Variants in RGS7 observed in about 807,000 individuals in gnomAD.
RGS7 encodes regulator of G-protein signaling 7.
Under a neutral mutation model 81.1 loss-of-function variants are expected in RGS7, and 27 were observed. The ratio of observed to expected loss-of-function variants is 0.33; its 90% CI spans 0.25 to 0.46. The LOEUF (loss-of-function observed/expected upper bound fraction) is 0.46. Among genes scored for constraint, RGS7 ranks in the 20% least tolerant of loss-of-function variants. RGS7 has a pLI of 1.00. For synonymous variants in RGS7, 208 were observed against 207.7 expected (o/e 1.00, Z -0.01); for missense variants, 396 against 607.4 (o/e 0.65, Z 3.66).
At chr1:240,917,920 T>C (rs1042514543) in intron 6 of RGS7, among the ~76,000 whole-genome samples, 3 of 152,170 alleles carry the variant, frequency 2.0e-5, no homozygotes, top group Non-Finnish European at 4.4e-5. Flanking sequence ...AGGAAAGATA[T>C]GCCATGCTAA....
At chr1:241,066,714 T>C (rs2062083490) in intron 3 of RGS7, among the ~76,000 whole-genome samples, 1 of 152,196 alleles carries the variant, frequency 6.6e-6, no homozygotes, top group South Asian at 2.1e-4. Flanking sequence ...CTGAAGCTTT[T>C]AAATTAAGGT....
chr1:241,008,138 A>G (rs947740711), intron 3 of RGS7, among the ~76,000 whole-genome samples: 1 of 150,296 alleles, frequency 6.7e-6, no homozygotes, highest in East Asian at 1.9e-4. Flanking sequence ...ACAAACAAAC[A>G]AAACAAACAA....
chr1:240,921,178 A>G (rs1412939175), intron 6 of RGS7, among the ~76,000 whole-genome samples: 3 of 152,174 alleles, frequency 2.0e-5, no homozygotes, highest in Non-Finnish European at 4.4e-5. Flanking sequence ...GCCAAGCAAA[A>G]TCATAAAATT....
At chr1:240,784,543 G>C (rs535909551) in intron 18 of RGS7, among the ~76,000 whole-genome samples, 95 of 151,818 alleles carry the variant, frequency 6.3e-4, no homozygotes, top group Admixed American at 1.7e-3. Flanking sequence ...CTACTCAGGA[G>C]GCTGAGGCAG....
intron 2 of RGS7, among the ~76,000 whole-genome samples, chr1:241,300,133 T>G (rs2079658299): frequency 6.6e-6 from 1 of 151,760 alleles, no homozygotes; most frequent in Non-Finnish European, 1.5e-5. Flanking sequence ...AAAGACAATT[T>G]TTTGGGCAGT....
At chr1:241,026,033 C>T (rs371643198) in intron 3 of RGS7, among the ~76,000 whole-genome samples, 2 of 152,294 alleles carry the variant, frequency 1.3e-5, no homozygotes, top group South Asian at 2.1e-4. Context: ...GGCAAATTGT[C>T]TCTTTAATAT....
At chr1:241,290,864 C>T (rs1453251917) in intron 2 of RGS7, among the ~76,000 whole-genome samples, 1 of 152,124 alleles carries the variant, frequency 6.6e-6, no homozygotes, top group African/African-American at 2.4e-5. Flanking sequence ...CCTGTAAATA[C>T]GAACTCTACT....
intron 9 of RGS7, among the ~76,000 whole-genome samples, chr1:240,863,145 CT>C (rs1340810965): frequency 6.6e-6 from 1 of 152,098 alleles, no homozygotes; most frequent in Non-Finnish European, 1.5e-5. Context: ...TGGAATCTCA[CT>C]ATGTCGCCCA....
chr1:241,349,064 G>A (rs567692120), intron 2 of RGS7, among the ~76,000 whole-genome samples: 38 of 152,166 alleles, frequency 2.5e-4, no homozygotes, highest in South Asian at 1.9e-3. Flanking sequence ...ATATATACTA[G>A]GTTCTATGCA....
chr1:240,931,600 A>T (rs1479650799), intron 5 of RGS7, among the ~76,000 whole-genome samples: 4 of 152,130 alleles, frequency 2.6e-5, no homozygotes, highest in Non-Finnish European at 2.9e-5. Context: ...AATTTAAATT[A>T]AAAAAACCTA....
chr1:240,806,357 C>G (rs547813846), intron 14 of RGS7, 31 bp from the exon 15 acceptor site: 3 of 1,603,540 alleles, frequency 1.9e-6, no homozygotes, highest in African/African-American at 2.7e-5. Context: ...GGTGTTTACT[C>G]TGATGGCCCA....
chr1:240,967,572 G>A (rs566443350), intron 4 of RGS7, among the ~76,000 whole-genome samples: 4 of 131,162 alleles, frequency 3.0e-5, no homozygotes, highest in South Asian at 5.3e-4. Context: ...AAGAAGTGGG[G>A]GGGGGGGGGA....
intron 6 of RGS7, among the ~76,000 whole-genome samples, chr1:240,904,983 CAGGGTACAAAAAAAATA>C (rs1232546742): frequency 6.6e-6 from 1 of 152,010 alleles, no homozygotes; most frequent in Non-Finnish European, 1.5e-5. Context: ...TTTGCCAGTT[CAGGGTACAAAAAAAATA>C]AAGACCAGGA....
At chr1:241,122,846 T>C (rs1194859400) in intron 2 of RGS7, among the ~76,000 whole-genome samples, 1 of 152,108 alleles carries the variant, frequency 6.6e-6, no homozygotes, top group Non-Finnish European at 1.5e-5. Flanking sequence ...ATGCTGAAAG[T>C]GAAAAACACA....
chr1:241,298,729 T>C (rs1354583743), intron 2 of RGS7, among the ~76,000 whole-genome samples: 2 of 152,202 alleles, frequency 1.3e-5, no homozygotes, highest in Non-Finnish European at 1.5e-5. Context: ...TCTTTCTATA[T>C]ATGTCAAGCA....
At chr1:241,118,836 C>T (rs111388033) in intron 2 of RGS7, among the ~76,000 whole-genome samples, 2,377 of 152,142 alleles carry the variant, frequency 0.016, 35 homozygotes, top group Middle Eastern at 0.02. Flanking sequence ...GAGAGCACAA[C>T]AATGGGTACA....
intron 9 of RGS7, among the ~76,000 whole-genome samples, chr1:240,837,378 G>GA (rs1444506692): frequency 6.6e-6 from 1 of 152,068 alleles, no homozygotes; most frequent in East Asian, 1.9e-4. Context: ...AATTGGATGA[G>GA]AAAAAAAGTC....
chr1:241,325,238 C>T (rs1051796828), intron 2 of RGS7, among the ~76,000 whole-genome samples: 1 of 152,266 alleles, frequency 6.6e-6, no homozygotes, highest in Admixed American at 6.5e-5. Flanking sequence ...TGCTCTTGAG[C>T]ACAAAAAGAT....
chr1:241,077,630 C>T (rs777502843), intron 3 of RGS7, among the ~76,000 whole-genome samples: 17 of 152,180 alleles, frequency 1.1e-4, no homozygotes, highest in African/African-American at 4.1e-4. Context: ...AGCCCTCCAG[C>T]GATTGCTCTC....
Sources: gnomAD v4.1 joint callset for allele counts (sites outside exome capture counted in the v4.1 genomes callset) on GRCh38, gnomAD v4.1.1 for gene constraint, MANE v1.5 for transcripts, NCBI Gene and HGNC (gene_info 2026-07-23, HGNC 2026-07-21) for gene names.